Variants in DNER observed in about 807,000 individuals in gnomAD.
DNER encodes delta/notch like EGF repeat containing.
In DNER, 33 loss-of-function variants were observed where a neutral mutation model predicts 78.2. The observed-to-expected ratio is 0.42, with a 90% CI of 0.32 to 0.56. The LOEUF (loss-of-function observed/expected upper bound fraction) is 0.56, where lower values mean the gene tolerates loss of function less well. DNER is among the 20% of genes least tolerant of loss of function. The probability of loss-of-function intolerance (pLI) is 0.11; values close to 1 mark genes in which losing one functional copy is unlikely to be tolerated. For missense variants in DNER, 918 were observed against 975.3 expected, an observed-to-expected ratio of 0.94 and a Z score of 0.78; for synonymous variants, 417 against 384.8, an observed-to-expected ratio of 1.08 and a Z score of -0.98.
intron 1 of DNER, among the ~76,000 whole-genome samples, chr2:229,702,969 C>G (rs543388181): frequency 8.0e-5 from 12 of 149,898 alleles, no homozygotes; most frequent in African/African-American, 2.4e-4. Context: ...TAAAATTCTA[C>G]CCTGTTTTGG....
At chr2:229,547,208 C>G in intron 4 of DNER, 116 bp from the exon 5 acceptor site, 1 of 1,394,782 alleles carries the variant, frequency 7.2e-7, no homozygotes, top group Non-Finnish European at 9.6e-7. Flanking sequence ...AGGCAGCACT[C>G]AAGTCTGACA....
intron 1 of DNER, among the ~76,000 whole-genome samples, chr2:229,678,415 G>C (rs1406337739): frequency 6.6e-6 from 1 of 151,664 alleles, no homozygotes; most frequent in Non-Finnish European, 1.5e-5. Context: ...AGTCCCTCAA[G>C]TTGTTGTATA....
intron 1 of DNER, among the ~76,000 whole-genome samples, chr2:229,680,063 T>C (rs1029485417): frequency 2.0e-5 from 3 of 152,164 alleles, no homozygotes; most frequent in African/African-American, 7.2e-5. Context: ...CACACAATCA[T>C]GAAGTAGTAA....
At chr2:229,476,187 T>C (rs1434640513) in intron 7 of DNER, among the ~76,000 whole-genome samples, 2 of 152,154 alleles carry the variant, frequency 1.3e-5, no homozygotes, top group African/African-American at 4.8e-5. Context: ...TCTGCCCAAG[T>C]GAGCAGGAAG....
chr2:229,537,757 T>C (rs1434990372), intron 5 of DNER, among the ~76,000 whole-genome samples: 1 of 147,618 alleles, frequency 6.8e-6, no homozygotes, highest in Non-Finnish European at 1.5e-5. Flanking sequence ...TTTTCTTTTT[T>C]ATTATTATTA....
chr2:229,611,374 C>T (rs1429265307), intron 1 of DNER, among the ~76,000 whole-genome samples: 1 of 152,070 alleles, frequency 6.6e-6, no homozygotes. Flanking sequence ...TTTGGGAATC[C>T]CTGGCTTACA....
intron 10 of DNER, among the ~76,000 whole-genome samples, chr2:229,395,446 C>T (rs966149445): frequency 1.3e-5 from 2 of 152,184 alleles, no homozygotes; most frequent in African/African-American, 4.8e-5. Flanking sequence ...TGACGTGCAC[C>T]GTGGAAGCAT....
intron 1 of DNER, among the ~76,000 whole-genome samples, chr2:229,634,793 G>C (rs1023971792): frequency 7.9e-5 from 12 of 152,320 alleles, no homozygotes; most frequent in Middle Eastern, 3.4e-3. Context: ...CTGCGAGCGG[G>C]AAGGAGGGGC....
At chr2:229,509,764 G>A (rs886192472) in intron 6 of DNER, among the ~76,000 whole-genome samples, 3 of 152,108 alleles carry the variant, frequency 2.0e-5, no homozygotes, top group East Asian at 1.9e-4. Context: ...GCAGTGAGCC[G>A]AGATCATGCC....
chr2:229,596,919 A>G (rs1328503290), intron 1 of DNER, among the ~76,000 whole-genome samples: 1 of 152,264 alleles, frequency 6.6e-6, no homozygotes, highest in Non-Finnish European at 1.5e-5. Context: ...GTGTATGCAC[A>G]CACATGCACA....
chr2:229,699,926 A>C (rs1699716874), intron 1 of DNER, among the ~76,000 whole-genome samples: 1 of 152,200 alleles, frequency 6.6e-6, no homozygotes. Context: ...ATGAAAAATG[A>C]TACATAGGGA....
At chr2:229,502,908 T>C (rs916468795) in intron 6 of DNER, among the ~76,000 whole-genome samples, 1 of 152,208 alleles carries the variant, frequency 6.6e-6, no homozygotes, top group Non-Finnish European at 1.5e-5. Context: ...GATATTTTTT[T>C]CCTCTGGCTG....
intron 7 of DNER, among the ~76,000 whole-genome samples, chr2:229,461,879 G>T (rs988299859): frequency 6.6e-6 from 1 of 152,070 alleles, no homozygotes; most frequent in Non-Finnish European, 1.5e-5. Flanking sequence ...AAACACAACA[G>T]CTCCAGAGAA....
chr2:229,661,702 C>T (rs1699013578), intron 1 of DNER, among the ~76,000 whole-genome samples: 1 of 152,162 alleles, frequency 6.6e-6, no homozygotes, highest in African/African-American at 2.4e-5. Flanking sequence ...GTCAACCCTA[C>T]CTAAAGTAAA....
At chr2:229,436,257 A>G (rs1694117952) in intron 8 of DNER, among the ~76,000 whole-genome samples, 2 of 152,202 alleles carry the variant, frequency 1.3e-5, no homozygotes, top group Non-Finnish European at 2.9e-5. Context: ...GGATCCATAC[A>G]TGTTACTGCA....
At chr2:229,621,963 G>T (rs1698258250) in intron 1 of DNER, among the ~76,000 whole-genome samples, 2 of 152,188 alleles carry the variant, frequency 1.3e-5, no homozygotes, top group South Asian at 2.1e-4. Flanking sequence ...GCAGGTGCCT[G>T]TAGTCCCAGC....
chr2:229,358,381 A>AT lies in DNER; in HGVS notation c.*158dup. ...GTTTCACAAATTTTGTTTTTAAAAT[A>AT]TTTTTTCCAAACTAAAAGCTGCAGA... On this transcript the variant is annotated 3_prime_UTR_variant, in exon 13 of 13. Transcript: ENST00000341772. 3.3e-6 allele frequency: 2 copies of AT among 610,458 alleles called. No individual in the cohort carries two copies. The highest frequency in any genetic ancestry group is 2.6e-6 in the Non-Finnish European group (1 of 378,064). The allele number at this position is 610,458 out of a possible 1,614,324, so 37.8% of individuals were successfully genotyped here.
At chr2:229,418,778 A>G (rs753060295) in intron 8 of DNER, among the ~76,000 whole-genome samples, 10 of 152,086 alleles carry the variant, frequency 6.6e-5, no homozygotes, top group Middle Eastern at 3.4e-3. Context: ...AAAATTAGCC[A>G]GGCGTGGTGG....
rs11892009 is a variant in DNER, at chr2:229,576,841, G to A, written c.847+9017C>T. Among the ~76,000 whole-genome samples the A allele has an allele frequency of 8.0e-3, 1,220 of 152,282 alleles. 12 individuals are homozygous for A. Among genetic ancestry groups the A allele is most frequent in the African/African-American group, 0.028 (1,165 of 41,552 alleles). ...GTGGGAAACCTGCAGAGCTGAGTTA[G>A]GTGAACAGCTAGGAAGGCTGCCCAG... On this transcript the variant is annotated intron_variant, in intron 4 of 12. Transcript: ENST00000341772.
Sources: gnomAD v4.1 joint callset for allele counts (sites outside exome capture counted in the v4.1 genomes callset) on GRCh38, gnomAD v4.1.1 for gene constraint, MANE v1.5 for transcripts, NCBI Gene and HGNC (gene_info 2026-07-23, HGNC 2026-07-21) for gene names.